Variants in DACH2 observed in about 807,000 individuals in gnomAD.
The protein encoded by DACH2 is dachshund homolog 2.
DACH2 carries 17 observed loss-of-function variants against 35.8 expected under a neutral mutation model. The observed-to-expected ratio is 0.48, with a 90% CI of 0.33 to 0.71. The LOEUF (loss-of-function observed/expected upper bound fraction) is 0.71. DACH2 is among the 30% of genes least tolerant of loss of function. DACH2 has a pLI of 0.02. For synonymous variants in DACH2, 195 were observed against 177.3 expected (o/e 1.10, Z -0.79); for missense variants, 469 against 472.7 (o/e 0.99, Z 0.07).
intron 1 of DACH2, chrX:86,161,437 C>G (rs755697632): frequency 2.0e-6 from 1 of 508,439 alleles, no homozygotes; most frequent in Non-Finnish European, 3.0e-6. Flanking sequence ...CTTTAACACA[C>G]CTTCCTGTGT....
At chrX:86,420,350 C>T (rs2036781316) in intron 2 of DACH2, among the ~76,000 whole-genome samples, 1 of 112,010 alleles carries the variant, frequency 8.9e-6, no homozygotes, top group Non-Finnish European at 1.9e-5. Context: ...TCTTGTGATG[C>T]ATAAATGAGG....
At chrX:86,254,550 C>T (rs2033463408) in intron 1 of DACH2, among the ~76,000 whole-genome samples, 1 of 107,314 alleles carries the variant, frequency 9.3e-6, no homozygotes, top group African/African-American at 3.4e-5. Context: ...AGCAAGGAGG[C>T]TTTAATTAAA....
At chrX:86,619,250 C>T (rs2040042512) in intron 3 of DACH2, among the ~76,000 whole-genome samples, 1 of 111,487 alleles carries the variant, frequency 9.0e-6, no homozygotes, top group African/African-American at 3.3e-5. Flanking sequence ...TAAAAATTAC[C>T]TTTGAAAAAG....
chrX:86,201,089 TGGAA>T (rs2032143864), intron 1 of DACH2, among the ~76,000 whole-genome samples: 1 of 111,490 alleles, frequency 9.0e-6, no homozygotes, highest in Non-Finnish European at 1.9e-5. Flanking sequence ...ATAAATATCA[TGGAA>T]TACTATGCAG....
At chrX:86,258,704 C>T (rs142781899) in intron 1 of DACH2, among the ~76,000 whole-genome samples, 1,549 of 111,321 alleles carry the variant, frequency 0.014, 21 homozygotes, top group Non-Finnish European at 0.024. Context: ...ATACATTTTC[C>T]AGTATATATA....
At chrX:86,320,482 A>G (rs1352599398) in intron 1 of DACH2, among the ~76,000 whole-genome samples, 1 of 112,242 alleles carries the variant, frequency 8.9e-6, no homozygotes, top group Non-Finnish European at 1.9e-5. Flanking sequence ...CAGTTTTTCA[A>G]CTGGACTGCA....
chrX:86,698,523 T>G (rs200548720), intron 5 of DACH2, among the ~76,000 whole-genome samples: 2 of 38,119 alleles, frequency 5.2e-5, no homozygotes, highest in East Asian at 1.7e-3. Context: ...AGTTTTGTGT[T>G]TTTTTTTTTT....
chrX:86,681,798 G>A (rs1331770213), intron 4 of DACH2, among the ~76,000 whole-genome samples: 1 of 109,372 alleles, frequency 9.1e-6, no homozygotes, highest in East Asian at 2.9e-4. Flanking sequence ...CACATTGGAT[G>A]TAGTAATAAT....
chrX:86,739,965 G>C, intron 7 of DACH2, 83 bp downstream of exon 7: 1 of 947,578 alleles, frequency 1.1e-6, no homozygotes, highest in Non-Finnish European at 1.4e-6. Context: ...AGAGGGAAAA[G>C]CTGGGGAAGC....
intron 3 of DACH2, among the ~76,000 whole-genome samples, chrX:86,553,128 GC>G (rs901636880): frequency 1.8e-5 from 2 of 111,177 alleles, no homozygotes; most frequent in African/African-American, 6.5e-5. Context: ...AAGGAAGCCA[GC>G]CCGCATCCCA....
At chrX:86,505,136 G>T (rs376678034) in intron 2 of DACH2, among the ~76,000 whole-genome samples, 1 of 111,439 alleles carries the variant, frequency 9.0e-6, no homozygotes, top group Non-Finnish European at 1.9e-5. Flanking sequence ...GGAAAGTTTT[G>T]CAATATGTAA....
chrX:86,672,995 C>T (rs1043545663), intron 4 of DACH2, among the ~76,000 whole-genome samples: 15 of 111,983 alleles, frequency 1.3e-4, no homozygotes, highest in African/African-American at 4.5e-4. Flanking sequence ...CTTGGAAGCT[C>T]GCCCCCTTGC....
At chrX:86,277,818 T>C (rs774838364) in intron 1 of DACH2, among the ~76,000 whole-genome samples, 1 of 111,994 alleles carries the variant, frequency 8.9e-6, no homozygotes, top group African/African-American at 3.2e-5. Context: ...CACCATTCTA[T>C]AGTCGTTTGG....
intron 2 of DACH2, among the ~76,000 whole-genome samples, chrX:86,474,872 T>TA (rs1332207337): frequency 8.9e-6 from 1 of 111,752 alleles, no homozygotes; most frequent in Non-Finnish European, 1.9e-5. Context: ...TAGCTGGGAT[T>TA]ACAGGTGCCC....
chrX:86,264,100 G>C (rs1418167258), intron 1 of DACH2, among the ~76,000 whole-genome samples: 1 of 111,817 alleles, frequency 8.9e-6, no homozygotes, highest in Non-Finnish European at 1.9e-5. Flanking sequence ...ATGATTTTCT[G>C]TATATAATTT....
chrX:86,527,915 C>G (rs909621812), intron 3 of DACH2, among the ~76,000 whole-genome samples: 35 of 112,059 alleles, frequency 3.1e-4, no homozygotes, highest in African/African-American at 1.1e-3. Flanking sequence ...TGCCAACATA[C>G]TGTCTCCTGT....
chrX:86,760,724 C>G (rs1181382813), intron 7 of DACH2, among the ~76,000 whole-genome samples: 1 of 109,413 alleles, frequency 9.1e-6, no homozygotes, highest in Non-Finnish European at 1.9e-5. Flanking sequence ...TTATTTGGAT[C>G]TGTTGCTTAA....
intron 3 of DACH2, among the ~76,000 whole-genome samples, chrX:86,602,092 C>A (rs2039796771): frequency 8.9e-6 from 1 of 112,152 alleles, no homozygotes; most frequent in African/African-American, 3.2e-5. Flanking sequence ...TTTGCCCATT[C>A]AAGAATGCAA....
chrX:86,616,929 G>A (rs2148373987), intron 3 of DACH2, among the ~76,000 whole-genome samples: 1 of 111,843 alleles, frequency 8.9e-6, no homozygotes, highest in Non-Finnish European at 1.9e-5. Context: ...TGACCTTGGA[G>A]TTGATTTCTG....
Sources: allele counts gnomAD v4.1 joint callset (sites outside exome capture counted in the v4.1 genomes callset), GRCh38; gene constraint gnomAD v4.1.1; transcripts MANE v1.5; gene names NCBI Gene and HGNC (gene_info 2026-07-23, HGNC 2026-07-21).